The following NDUFS1 variants were observed in gnomAD, a reference collection of about 807,000 sequenced individuals.
NDUFS1 encodes the protein NADH:ubiquinone oxidoreductase core subunit S1.
NDUFS1 carries 61 observed loss-of-function variants against 84.4 expected under a neutral mutation model. The observed-to-expected ratio is 0.72, with a 90% confidence interval of 0.59 to 0.89. The LOEUF (loss-of-function observed/expected upper bound fraction) is 0.89. Among genes scored for constraint, NDUFS1 ranks in the 40% least tolerant of loss-of-function variants. NDUFS1 has a pLI of 0.00. For missense variants in NDUFS1, 891 were observed against 890.0 expected (o/e 1.00, Z -0.01); for synonymous variants, 275 against 290.0 (o/e 0.95, Z 0.53).
intron 9 of NDUFS1, 110 bp downstream of exon 9, chr2:206,144,782 A>T: frequency 9.0e-7 from 1 of 1,105,340 alleles, no homozygotes; most frequent in Non-Finnish European, 1.3e-6. Context: ...AGATTCCAGT[A>T]GTCTATATTC....
In NDUFS1 at chr2:206,124,114, C is replaced by A; in HGVS notation, c.*71G>T. 1 of 949,574 alleles carries A rather than the reference C, an allele frequency of 1.1e-6. No individual in the cohort carries two copies. Among genetic ancestry groups the A allele is most frequent in the Non-Finnish European group, 1.7e-6 (1 of 579,790 alleles). 58.8% of individuals were successfully genotyped at this position (949,574 alleles called of 1,614,324 possible). A position where few individuals can be genotyped will look rare whatever the true frequency, so the allele number is the denominator to read the frequency against. On this transcript the variant is annotated 3_prime_UTR_variant, in exon 19 of 19. Transcript: ENST00000233190. ...TTATTTTTTTTTACAAAGAAATAAA[C>A]CTGTAAAGGATCACTGCACTACAGT...
chr2:206,138,503 T>C lies in NDUFS1; in HGVS notation c.1374A>G (p.Gly458=). ...AGAGCACCTGGCTAAATGGATGGCT[T>C]CCCGAAGCAATGTCTTGAAGAATTT... ...SPKILQDIAS[G]SHPFSQVLKE... Residue 458 remains glycine (G), a synonymous_variant, in exon 13 of 19, where the codon GGA becomes GGG. Coordinates refer to ENST00000233190, the MANE Select transcript of NDUFS1 (RefSeq NM_005006.7). 1 of 1,614,118 alleles carries C rather than the reference T, an allele frequency of 6.2e-7. No individual in the cohort carries two copies. The highest frequency in any genetic ancestry group is 8.5e-7 in the Non-Finnish European group (1 of 1,179,968).
In NDUFS1 at chr2:206,120,288, A is replaced by G. The variant is rs1691060700; in HGVS notation, c.*3897T>C. On this transcript the variant is annotated 3_prime_UTR_variant, in exon 19 of 19. Coordinates refer to ENST00000233190, the MANE Select transcript of NDUFS1 (RefSeq NM_005006.7). Reference sequence around the variant, plus strand: ...TTAGTACTGACAGTGGGGCACTGCTATACATATTGGAAAATGTAGAAACAG... The same window carrying G: ...TTAGTACTGACAGTGGGGCACTGCTGTACATATTGGAAAATGTAGAAACAG... 2 of 152,380 alleles carry G rather than the reference A, an allele frequency of 1.3e-5. No individual in the cohort carries two copies. Among genetic ancestry groups the G allele is most frequent in the Middle Eastern group, 3.4e-3 (1 of 296 alleles). The allele number at this position is 152,380 out of a possible 1,614,324, so 9.4% of individuals were successfully genotyped here.
chr2:206,117,052 G>A lies in NDUFS1; in HGVS notation c.*7133C>T, dbSNP rs2105933127. 1 of 152,364 alleles carries A rather than the reference G, an allele frequency of 6.6e-6. No homozygotes were observed. Among genetic ancestry groups the A allele is most frequent in the Non-Finnish European group, 1.5e-5 (1 of 68,156 alleles). 9.4% of individuals were successfully genotyped at this position (152,364 alleles called of 1,614,324 possible). On this transcript the variant is annotated 3_prime_UTR_variant, in exon 19 of 19. Coordinates refer to ENST00000233190, the MANE Select transcript of NDUFS1 (RefSeq NM_005006.7). Reference sequence around the variant, plus strand: ...AAAATAAATAAATAAAAATTAGTGGGGCATGGTGGCTCACACCTGTAGTTC... The same window carrying A: ...AAAATAAATAAATAAAAATTAGTGGAGCATGGTGGCTCACACCTGTAGTTC...
rs1203939849 is a variant in NDUFS1 at position 206,115,696 on chromosome 2, C to A, written c.*8489G>T. The A allele has an allele frequency of 1.7e-5, 7 of 402,824 alleles. No homozygotes were observed. The highest frequency in any genetic ancestry group is 5.8e-5 in the South Asian group (3 of 52,096). 25.0% of individuals were successfully genotyped at this position (402,824 alleles called of 1,614,324 possible). On this transcript the variant is annotated 3_prime_UTR_variant, in exon 19 of 19. Coordinates refer to ENST00000233190, the MANE Select transcript of NDUFS1 (RefSeq NM_005006.7). ...TCTGACACTGTACAAGCAACAAAAA[C>A]TTCTTCACTCCCAGTTATTTCCAAT...
Position 206,138,514 on chromosome 2 carries a change from T to G in NDUFS1, c.1363A>C (p.Ile455Leu). The change falls in exon 13 of 19, where the codon ATT becomes CTT. Residue 455 changes from isoleucine to leucine, a missense_variant. Ile to Leu is a conservative substitution (Grantham distance 5). Coordinates refer to ENST00000233190, the MANE Select transcript of NDUFS1 (RefSeq NM_005006.7). ...CTAAATGGATGGCTTCCCGAAGCAATGTCTTGAAGAATTTTGGGGGAGTCT... is the reference window on the plus strand; with the variant it reads ...CTAAATGGATGGCTTCCCGAAGCAAGGTCTTGAAGAATTTTGGGGGAGTCT... ...LGDSPKILQD[I>L]ASGSHPFSQV... is the part of the protein sequence containing the mutation. 6.2e-7 allele frequency: 1 copy of G among 1,614,098 alleles called. No individual in the cohort carries two copies.
rs1690928091 is a variant in NDUFS1, at chr2:206,115,776, CAATAT to C, written c.*8404_*8408del. ...TCCAGGTATGGACATACACAAGTTA[CAATAT>C]TATATAAGGCTTAAGAATAACAACA... On this transcript the variant is annotated 3_prime_UTR_variant, in exon 19 of 19. Coordinates refer to ENST00000233190, the MANE Select transcript of NDUFS1 (RefSeq NM_005006.7). The C allele has an allele frequency of 2.5e-6, 1 of 395,682 alleles. No individual in the cohort carries two copies. The highest frequency in any genetic ancestry group is 4.8e-6 in the Non-Finnish European group (1 of 208,322). 24.5% of individuals were successfully genotyped at this position (395,682 alleles called of 1,614,324 possible). A position where few individuals can be genotyped will look rare whatever the true frequency, so the allele number is the denominator to read the frequency against.
chr2:206,139,832 A>G (rs1468309057), intron 12 of NDUFS1, among the ~76,000 whole-genome samples: 1 of 151,380 alleles, frequency 6.6e-6, no homozygotes, highest in Non-Finnish European at 1.5e-5. Flanking sequence ...TAAATTTAAA[A>G]GACAGAAAGC....
intron 16 of NDUFS1, chr2:206,127,529 A>G (rs1441213502): frequency 2.8e-6 from 1 of 356,632 alleles, no homozygotes; most frequent in Non-Finnish European, 5.2e-6. Context: ...AAAATAAATA[A>G]AATAAAATAA....
intron 7 of NDUFS1, 78 bp from the exon 8 acceptor site, chr2:206,147,166 T>C: frequency 7.1e-7 from 1 of 1,407,324 alleles, no homozygotes; most frequent in Admixed American, 1.7e-5. Flanking sequence ...CACAAAGAGA[T>C]GATTTTCCAA....
intron 12 of NDUFS1, among the ~76,000 whole-genome samples, chr2:206,139,871 TAAAAAA>T (rs35564839): frequency 9.7e-6 from 1 of 103,584 alleles, no homozygotes; most frequent in Non-Finnish European, 1.9e-5. Context: ...CTTGTGTTCT[TAAAAAA>T]AAAAAAAAAA....
At position 206,139,209 on chromosome 2, in the gene NDUFS1, A is replaced by G. The variant is rs191600887; in HGVS notation, c.1263-595T>C. Among the ~76,000 whole-genome samples, 10 of 151,886 alleles carry G rather than the reference A, an allele frequency of 6.6e-5. No homozygotes were observed. In the East Asian group the frequency reaches 1.9e-3, roughly 29 times the overall value. ...TTATTAATTTATTTATTTTTGAGAG[A>G]GAGTCTCACTCTGTCACCCAGGCTG... On this transcript the variant is annotated intron_variant, in intron 12 of 18. Transcript: ENST00000233190.
At position 206,150,480 on chromosome 2, in the gene NDUFS1, A is replaced by C. The variant is rs75525906; in HGVS notation, c.154-555T>G. Among the ~76,000 whole-genome samples, 70 of 152,260 alleles carry C rather than the reference A, an allele frequency of 4.6e-4. 1 individual carries two copies. The East Asian group carries it at 7.7e-3, about 17-fold the overall frequency. On this transcript the variant is annotated intron_variant, in intron 3 of 18. Coordinates refer to ENST00000233190, the MANE Select transcript of NDUFS1 (RefSeq NM_005006.7). ...CAATTTCTTCCTCCTTTTAGTCTAT[A>C]AACATGTTCAAATTTCCTCTAGAGT...
chr2:206,132,308 G>C (rs1575955424), intron 14 of NDUFS1, among the ~76,000 whole-genome samples: 1 of 152,014 alleles, frequency 6.6e-6, no homozygotes, highest in East Asian at 1.9e-4. Context: ...TAAAGGCTAG[G>C]TGCAGTGGCT....
At chr2:206,137,189 G>A (rs576770200) in intron 13 of NDUFS1, among the ~76,000 whole-genome samples, 14 of 152,252 alleles carry the variant, frequency 9.2e-5, no homozygotes, top group Middle Eastern at 3.4e-3. Flanking sequence ...ATATTTTGGT[G>A]AAGTTACTGA....
chr2:206,121,220 T>C lies in NDUFS1; in HGVS notation c.*2965A>G, dbSNP rs1477253633. The C allele has an allele frequency of 6.6e-6, 1 of 152,140 alleles. No homozygotes were observed. Among genetic ancestry groups the C allele is most frequent in the Non-Finnish European group, 1.5e-5 (1 of 67,994 alleles). 9.4% of individuals were successfully genotyped at this position (152,140 alleles called of 1,614,324 possible). On this transcript the variant is annotated 3_prime_UTR_variant, in exon 19 of 19. Transcript: ENST00000233190. ...CCTAAAGAGACTTGATCTTGAGCCT[T>C]TGTAGATTTTCTCATTGGTGATTCC...
intron 1 of NDUFS1, among the ~76,000 whole-genome samples, chr2:206,158,090 A>C (rs186071732): frequency 9.6e-6 from 1 of 104,536 alleles, no homozygotes; most frequent in Non-Finnish European, 1.8e-5. Flanking sequence ...CAGCCTCCCA[A>C]GTAGCTGGAC....
rs1553505280 is a variant in NDUFS1 at position 206,140,943 on chromosome 2, T to TAC, written c.1262+996_1262+997dup. On this transcript the variant is annotated intron_variant, in intron 12 of 18. Coordinates refer to ENST00000233190, the MANE Select transcript of NDUFS1 (RefSeq NM_005006.7). ...GTGTGTATATATATATATATATATA[T>TAC]ACACACACACTGAGAATCATAATAC... is the stretch of plus-strand genomic sequence containing the variant. Among the ~76,000 whole-genome samples the TAC allele has an allele frequency of 4.4e-4, 60 of 136,138 alleles. 1 individual carries two copies. Among genetic ancestry groups the TAC allele is most frequent in the Non-Finnish European group, 6.0e-4 (39 of 64,534 alleles). 89.3% of individuals were successfully genotyped at this position (136,138 alleles called of 152,430 possible). A position where few individuals can be genotyped will look rare whatever the true frequency, so the allele number is the denominator to read the frequency against.
In NDUFS1 at chr2:206,130,247, A is replaced by G. The variant is rs1691458338; in HGVS notation, c.1554-5T>C. The G allele has an allele frequency of 6.2e-7, 1 of 1,614,208 alleles. No individual in the cohort carries two copies. Among genetic ancestry groups the G allele is most frequent in the African/African-American group, 1.3e-5 (1 of 75,080 alleles). ...GCAGCTACTTGACTTGCAATCCTGC[A>G]AAGCAATTATGGAATTTTACCATAA... is the stretch of plus-strand genomic sequence containing the variant. On this transcript the variant is annotated splice_region_variant and splice_polypyrimidine_tract_variant and intron_variant, in intron 14 of 18. Coordinates refer to ENST00000233190, the MANE Select transcript of NDUFS1 (RefSeq NM_005006.7).
Sources: gnomAD v4.1 joint callset for allele counts (sites outside exome capture counted in the v4.1 genomes callset) on GRCh38, gnomAD v4.1.1 for gene constraint, MANE v1.5 for transcripts, NCBI Gene and HGNC (gene_info 2026-07-23, HGNC 2026-07-21) for gene names.